SNTB2: variants seen among roughly 807,000 people sequenced by gnomAD.
SNTB2 encodes syntrophin beta 2.
SNTB2 carries 34 observed loss-of-function variants against 46.2 expected under a neutral mutation model. The ratio of observed to expected loss-of-function variants is 0.74; its 90% confidence interval spans 0.56 to 0.98. SNTB2 has a LOEUF of 0.98. Ranked by LOEUF, SNTB2 falls within the 50% of genes least tolerant of loss-of-function variation. The pLI, the probability that SNTB2 is intolerant of heterozygous loss-of-function variation, is 0.00. For missense variants in SNTB2, 603 were observed against 731.4 expected, an observed-to-expected ratio of 0.82 and a Z score of 2.02; for synonymous variants, 290 against 312.6, an observed-to-expected ratio of 0.93 and a Z score of 0.76.
Position 69,241,412 on chromosome 16 carries a change from G to A in SNTB2, c.581-4190G>A, listed in dbSNP as rs530771096. On this transcript the variant is annotated intron_variant, in intron 1 of 6. Coordinates refer to ENST00000336278, the MANE Select transcript of SNTB2 (RefSeq NM_006750.4). Reference sequence around the variant, plus strand: ...AGACTGGTCTTGAACTCCTGACCTCGTGATCCACCCACCTCGGCCTCCCAA... The same window carrying A: ...AGACTGGTCTTGAACTCCTGACCTCATGATCCACCCACCTCGGCCTCCCAA... Among the ~76,000 whole-genome samples, 603 of 146,808 alleles carry A rather than the reference G, an allele frequency of 4.1e-3. 1 individual carries two copies. The highest frequency in any genetic ancestry group is 7.0e-3 in the Non-Finnish European group (464 of 66,408).
chr16:69,204,358 G>A (rs1567396263), intron 1 of SNTB2, among the ~76,000 whole-genome samples: 1 of 152,084 alleles, frequency 6.6e-6, no homozygotes, highest in African/African-American at 2.4e-5. Flanking sequence ...TCTCCCACTG[G>A]GCACCAGAAT....
chr16:69,207,740 C>T lies in SNTB2; in HGVS notation c.580+19994C>T, dbSNP rs745871622. On this transcript the variant is annotated intron_variant, in intron 1 of 6. Transcript: ENST00000336278. ...AATCCTACTCATGCACATTTTCAGG[C>T]ACTTCACCTCCCATCCAAGTGTAGC... Among the ~76,000 whole-genome samples, 8 of 152,214 alleles carry T rather than the reference C, an allele frequency of 5.3e-5. No homozygotes were observed. In the South Asian group the frequency reaches 1.7e-3, roughly 32 times the overall value.
intron 1 of SNTB2, among the ~76,000 whole-genome samples, chr16:69,202,088 C>T (rs1270531365): frequency 6.6e-6 from 1 of 152,150 alleles, no homozygotes; most frequent in East Asian, 1.9e-4. Context: ...CTTTTTGTCC[C>T]CAGCCTTTCA....
intron 1 of SNTB2, among the ~76,000 whole-genome samples, chr16:69,191,694 G>A (rs1292101101): frequency 6.6e-6 from 1 of 151,814 alleles, no homozygotes; most frequent in East Asian, 2.0e-4. Flanking sequence ...AGGCTGGAGT[G>A]CAGTGGTGCG....
At chr16:69,251,901 C>G (rs910558197) in intron 2 of SNTB2, among the ~76,000 whole-genome samples, 3 of 152,296 alleles carry the variant, frequency 2.0e-5, no homozygotes, top group South Asian at 2.1e-4. Flanking sequence ...GCCGGGCCAA[C>G]ATGGCAAAAC....
intron 4 of SNTB2, among the ~76,000 whole-genome samples, chr16:69,276,579 T>C (rs1018944521): frequency 2.6e-5 from 4 of 152,230 alleles, no homozygotes; most frequent in Admixed American, 2.0e-4. Context: ...ACTTAACTCT[T>C]TCTGAGGTAG....
At chr16:69,252,637 G>A (rs1004363193) in intron 2 of SNTB2, among the ~76,000 whole-genome samples, 1 of 152,154 alleles carries the variant, frequency 6.6e-6, no homozygotes, top group African/African-American at 2.4e-5. Flanking sequence ...TTGCTAAACA[G>A]GAGAAGTAAA....
At position 69,295,996 on chromosome 16, in the gene SNTB2, A is replaced by G. The variant is rs556449904; in HGVS notation, c.1346-3594A>G. 2.4e-4 allele frequency among the ~76,000 whole-genome samples: 37 copies of G among 152,224 alleles called. 1 individual carries two copies. In the South Asian group the frequency reaches 5.0e-3, roughly 20 times the overall value. ...TGGTATTAATTATACATTTTAAACT[A>G]TGGCCGGGTGTAGTGGCTCATGCCT... On this transcript the variant is annotated intron_variant, in intron 5 of 6. Coordinates refer to ENST00000336278, the MANE Select transcript of SNTB2 (RefSeq NM_006750.4).
At chr16:69,290,200 A>T (rs1266178179) in intron 5 of SNTB2, among the ~76,000 whole-genome samples, 1 of 152,170 alleles carries the variant, frequency 6.6e-6, no homozygotes, top group African/African-American at 2.4e-5. Context: ...GCAAGTATGA[A>T]CTTCAAGATG....
At chr16:69,280,954 T>C (rs2143149929) in intron 4 of SNTB2, among the ~76,000 whole-genome samples, 1 of 152,158 alleles carries the variant, frequency 6.6e-6, no homozygotes. Flanking sequence ...CCTGCCACCA[T>C]GCCCGGCTAA....
At chr16:69,292,952 G>C (rs1460100142) in intron 5 of SNTB2, among the ~76,000 whole-genome samples, 1 of 152,094 alleles carries the variant, frequency 6.6e-6, no homozygotes, top group Non-Finnish European at 1.5e-5. Context: ...CTGAGAAGTA[G>C]TAGTCAGAGC....
intron 2 of SNTB2, among the ~76,000 whole-genome samples, chr16:69,258,605 C>CTTTTTTTTTTTTTTTTTTTTTTTTT (rs67116274): frequency 1.2e-5 from 1 of 83,504 alleles, no homozygotes; most frequent in Non-Finnish European, 2.3e-5. Context: ...CTTGTTCTTT[C>CTTTTTTTTTTTTTTTTTTTTTTTTT]TTTTTTTTTT....
At chr16:69,270,663 A>G (rs999002525) in intron 4 of SNTB2, among the ~76,000 whole-genome samples, 1 of 152,196 alleles carries the variant, frequency 6.6e-6, no homozygotes, top group Non-Finnish European at 1.5e-5. Flanking sequence ...TTTAAACCAG[A>G]ATGTGGTACT....
At chr16:69,290,191 C>T (rs1965147165) in intron 5 of SNTB2, among the ~76,000 whole-genome samples, 1 of 152,126 alleles carries the variant, frequency 6.6e-6, no homozygotes, top group South Asian at 2.1e-4. Flanking sequence ...CTCCTGCTTG[C>T]AAGTATGAAC....
rs187581033 is a variant in SNTB2 at position 69,264,472 on chromosome 16, A to G, written c.1005+4212A>G. ...AGAGTAAAGAGGTTGCATTTATTTTATTTTTGGATAAAATACTCTGCACAA... is the reference window on the plus strand; with the variant it reads ...AGAGTAAAGAGGTTGCATTTATTTTGTTTTTGGATAAAATACTCTGCACAA... On this transcript the variant is annotated intron_variant, in intron 3 of 6. Coordinates refer to ENST00000336278, the MANE Select transcript of SNTB2 (RefSeq NM_006750.4). Among the ~76,000 whole-genome samples, 112 of 152,294 alleles carry G rather than the reference A, an allele frequency of 7.4e-4. 1 individual carries two copies. The Middle Eastern group carries it at 0.034, about 46-fold the overall frequency.
At chr16:69,210,299 G>A (rs1017527791) in intron 1 of SNTB2, among the ~76,000 whole-genome samples, 8 of 151,748 alleles carry the variant, frequency 5.3e-5, no homozygotes, top group Non-Finnish European at 1.2e-4. Flanking sequence ...GTGCAGTGGC[G>A]CAGTCTTGGC....
intron 5 of SNTB2, among the ~76,000 whole-genome samples, chr16:69,293,056 G>C (rs1459495059): frequency 6.6e-6 from 1 of 152,156 alleles, no homozygotes; most frequent in Non-Finnish European, 1.5e-5. Context: ...AGGAGTAAAT[G>C]TATTAGTTGG....
At chr16:69,268,662 C>A (rs117128270) in intron 3 of SNTB2, among the ~76,000 whole-genome samples, 1 of 151,450 alleles carries the variant, frequency 6.6e-6, no homozygotes, top group Non-Finnish European at 1.5e-5. Flanking sequence ...CCCAGGAGTT[C>A]GAGGCCAGCC....
At chr16:69,195,470 T>A (rs1964096364) in intron 1 of SNTB2, among the ~76,000 whole-genome samples, 1 of 151,842 alleles carries the variant, frequency 6.6e-6, no homozygotes, top group African/African-American at 2.4e-5. Context: ...GTAAGAATTA[T>A]TTTGGTTGCA....
Sources: allele counts gnomAD v4.1 joint callset (sites outside exome capture counted in the v4.1 genomes callset), GRCh38; gene constraint gnomAD v4.1.1; transcripts MANE v1.5; gene names NCBI Gene and HGNC (gene_info 2026-07-23, HGNC 2026-07-21).